Variants in AKAP13 observed in about 807,000 individuals in gnomAD.
The protein encoded by AKAP13 is A-kinase anchor protein 13.
In AKAP13, 80 loss-of-function variants were observed where a neutral mutation model predicts 264.5. The ratio of observed to expected loss-of-function variants is 0.30; its 90% confidence interval spans 0.25 to 0.36. AKAP13 has a LOEUF of 0.36. Ranked by LOEUF, AKAP13 falls within the 10% of genes least tolerant of loss-of-function variation. The pLI, the probability that AKAP13 is intolerant of heterozygous loss-of-function variation, is 1.00. For synonymous variants in AKAP13, 1,380 were observed against 1,250.2 expected, an observed-to-expected ratio of 1.10 and a Z score of -2.19; for missense variants, 3,712 against 3,435.2, an observed-to-expected ratio of 1.08 and a Z score of -2.01.
At chr15:85,572,064 A>C (rs1233662658) in intron 5 of AKAP13, among the ~76,000 whole-genome samples, 1 of 152,198 alleles carries the variant, frequency 6.6e-6, no homozygotes, top group Non-Finnish European at 1.5e-5. Context: ...AGATATTAGA[A>C]ATGGAACAGT....
rs1367415971 is a variant in AKAP13 at position 85,631,530 on chromosome 15, A to T, written c.4162-7844A>T. ...CACACACACACACACACACACACAC[A>T]CACACACACACACACACACACACTA... On this transcript the variant is annotated intron_variant, in intron 8 of 36. Transcript: ENST00000394518. 2.4e-4 allele frequency among the ~76,000 whole-genome samples: 36 copies of T among 149,096 alleles called. No homozygotes were observed. The South Asian group carries it at 2.5e-3, about 11-fold the overall frequency.
intron 1 of AKAP13, among the ~76,000 whole-genome samples, chr15:85,443,695 A>G (rs2150962692): frequency 6.6e-6 from 1 of 152,134 alleles, no homozygotes; most frequent in South Asian, 2.1e-4. Context: ...TTGACTGGAA[A>G]GTCATTTTGT....
In AKAP13 at chr15:85,580,044, A is replaced by C; in HGVS notation, c.1976A>C (p.Asp659Ala). 1 of 1,614,216 alleles carries C rather than the reference A, an allele frequency of 6.2e-7. No homozygotes were observed. The highest frequency in any genetic ancestry group is 8.5e-7 in the Non-Finnish European group (1 of 1,180,034). Residue 659 changes from aspartate (D) to alanine (A), a missense_variant, in exon 7 of 37, where the codon GAT (aspartate) becomes GCT (alanine). Asp to Ala is a moderately radical substitution (Grantham distance 126). Around this residue, in one of 3 missense-constraint regions of AKAP13, gnomAD observed 2,759 missense variants for 2,411.7 expected, o/e 1.14. Coordinates refer to ENST00000394518, the MANE Select transcript of AKAP13 (RefSeq NM_007200.5). The part of the protein sequence containing the change: ...SSPICSTTGD[D>A]KLCADSACQQ... ...CCCATTTGTTCTACAACTGGAGACGATAAACTTTGTGCAGACTCTGCATGT... is the reference window on the plus strand; with the variant it reads ...CCCATTTGTTCTACAACTGGAGACGCTAAACTTTGTGCAGACTCTGCATGT...
intron 9 of AKAP13, among the ~76,000 whole-genome samples, chr15:85,643,063 T>TA (rs1168239655): frequency 6.6e-6 from 1 of 151,718 alleles, no homozygotes; most frequent in Non-Finnish European, 1.5e-5. Flanking sequence ...TCCAGTCTGT[T>TA]AAAGGCAGGG....
At chr15:85,447,766 T>A (rs1320062299) in intron 1 of AKAP13, among the ~76,000 whole-genome samples, 1 of 152,234 alleles carries the variant, frequency 6.6e-6, no homozygotes, top group Admixed American at 6.5e-5. Flanking sequence ...TTATCCAGTC[T>A]GTCATTGATG....
In AKAP13 at chr15:85,735,537, A is replaced by C. The variant is rs75149819; in HGVS notation, c.7442-23A>C. On this transcript the variant is annotated intron_variant, in intron 31 of 36. Coordinates refer to ENST00000394518, the MANE Select transcript of AKAP13 (RefSeq NM_007200.5). ...ATCTGTTTCACAACTTTAAAAAAAA[A>C]AACAACCCTATTTTTTGTTTAGGAG... 6.8e-3 allele frequency: 10,836 copies of C among 1,588,896 alleles called. 648 individuals are homozygous for C. In the African/African-American group the frequency reaches 0.13, roughly 19 times the overall value.
At chr15:85,543,022 C>T (rs1198285029) in intron 4 of AKAP13, among the ~76,000 whole-genome samples, 1 of 152,194 alleles carries the variant, frequency 6.6e-6, no homozygotes, top group Admixed American at 6.5e-5. Context: ...TAACTACAAG[C>T]CCTTCCTCAT....
chr15:85,590,237 A>T (rs1424816698), intron 8 of AKAP13, among the ~76,000 whole-genome samples: 2 of 152,204 alleles, frequency 1.3e-5, no homozygotes, highest in Non-Finnish European at 2.9e-5. Context: ...TAGTATGGTA[A>T]ATTTATGGCA....
chr15:85,640,373 A>C (rs1214485646), intron 9 of AKAP13, among the ~76,000 whole-genome samples: 1 of 152,182 alleles, frequency 6.6e-6, no homozygotes, highest in African/African-American at 2.4e-5. Flanking sequence ...CTTCATTTGC[A>C]GGTCTTTTTA....
chr15:85,384,491 C>T (rs1355581022), intron 1 of AKAP13, among the ~76,000 whole-genome samples: 2 of 151,816 alleles, frequency 1.3e-5, no homozygotes, highest in Non-Finnish European at 2.9e-5. Context: ...CTGAGGCGGG[C>T]GGATCACTTG....
At chr15:85,529,490 T>C (rs2077182812) in intron 3 of AKAP13, among the ~76,000 whole-genome samples, 2 of 152,240 alleles carry the variant, frequency 1.3e-5, no homozygotes, top group Admixed American at 6.5e-5. Flanking sequence ...CTAATGACCC[T>C]GTTGCAAATA....
At position 85,708,604 on chromosome 15, in the gene AKAP13, G is replaced by T. The variant is rs2086449229; in HGVS notation, c.5532+518G>T. 6.6e-6 allele frequency among the ~76,000 whole-genome samples: 1 copy of T among 152,078 alleles called. No homozygotes were observed. The highest frequency in any genetic ancestry group is 2.4e-5 in the African/African-American group (1 of 41,390). ...AAGAATAGAAAGTGCCTGTTTTATG[G>T]TGGTATCTGCCCTGAGCATGTATGC... On this transcript the variant is annotated intron_variant, in intron 18 of 36. Coordinates refer to ENST00000394518, the MANE Select transcript of AKAP13 (RefSeq NM_007200.5). This position sits in a 1 kb window ranked among gnomAD's most constrained non-coding sequence, Gnocchi z 4.3.
At chr15:85,439,486 C>T (rs377219972) in intron 1 of AKAP13, among the ~76,000 whole-genome samples, 2 of 151,686 alleles carry the variant, frequency 1.3e-5, no homozygotes, top group African/African-American at 2.4e-5. Flanking sequence ...ACCCAAATGA[C>T]TATAAATCAT....
chr15:85,580,102 G>T lies in AKAP13; in HGVS notation c.2034G>T (p.Leu678Phe). The T allele has an allele frequency of 6.2e-7, 1 of 1,614,132 alleles. No homozygotes were observed. Among genetic ancestry groups the T allele is most frequent in the South Asian group, 1.1e-5 (1 of 91,082 alleles). The change falls in exon 7 of 37, where the codon TTG becomes TTT. Residue 678 changes from leucine to phenylalanine, a missense_variant. Around this residue, in one of 3 missense-constraint regions of AKAP13, gnomAD observed 2,759 missense variants for 2,411.7 expected, o/e 1.14. Transcript: ENST00000394518. ...ACACAGTGACTTCTAGTGGCGATTT[G>T]GTTGCAAAACTGTGTGATAACATAG... ...QQNTVTSSGD[L>F]VAKLCDNIVS...
chr15:85,620,500 T>G (rs1344508160), intron 8 of AKAP13, among the ~76,000 whole-genome samples: 3 of 152,180 alleles, frequency 2.0e-5, no homozygotes, highest in Non-Finnish European at 4.4e-5. Context: ...TCCTTCTGTC[T>G]CTGTCACCCC....
rs1205656766 is a variant in AKAP13, at chr15:85,639,412, T to A, written c.4200T>A (p.Pro1400=). 6.2e-7 allele frequency: 1 copy of A among 1,613,118 alleles called. No individual in the cohort carries two copies. The highest frequency in any genetic ancestry group is 8.5e-7 in the Non-Finnish European group (1 of 1,179,706). The change falls in exon 9 of 37, where the codon CCT becomes CCA. Residue 1400 remains proline, a synonymous_variant. Transcript: ENST00000394518. ...ACTGGTGTACAATAGAGCCATGCCC[T>A]GATGCAGCATCTCTTCTGGCTTCCA... ...RENWCTIEPC[P]DAASLLASKQ... is the part of the protein sequence containing the mutation.
chr15:85,544,382 T>G (rs1272117261), intron 5 of AKAP13, among the ~76,000 whole-genome samples: 5 of 152,218 alleles, frequency 3.3e-5, no homozygotes, highest in Non-Finnish European at 7.3e-5. Flanking sequence ...AACCAGTACT[T>G]CCATATTATA....
At chr15:85,660,204 T>G (rs1191051928) in intron 12 of AKAP13, among the ~76,000 whole-genome samples, 2 of 151,878 alleles carry the variant, frequency 1.3e-5, no homozygotes, top group Admixed American at 6.6e-5. Context: ...AACACAAAAA[T>G]TAGCTAGGTG....
chr15:85,619,417 T>TA lies in AKAP13; in HGVS notation c.4162-19956dup, dbSNP rs955264930. 37 of 985,136 alleles carry TA rather than the reference T, an allele frequency of 3.8e-5. No homozygotes were observed. In the African/African-American group the frequency reaches 6.1e-4, roughly 16 times the overall value. 61.0% of individuals were successfully genotyped at this position (985,136 alleles called of 1,614,324 possible). On this transcript the variant is annotated intron_variant, in intron 8 of 36. Coordinates refer to ENST00000394518, the MANE Select transcript of AKAP13 (RefSeq NM_007200.5). ...TTTTTCCCTTTTACTCTGCTGTCCT[T>TA]AGAGATTTTCAACTTAAATCAAAAC... is the stretch of plus-strand genomic sequence containing the variant.
Sources: gnomAD v4.1 joint callset for allele counts (sites outside exome capture counted in the v4.1 genomes callset) on GRCh38, gnomAD v4.1.1 for gene constraint, gnomAD v4.1.1 regional missense constraint, Gnocchi (gnomAD v3.1) non-coding constraint, MANE v1.5 for transcripts, NCBI Gene and HGNC (gene_info 2026-07-23, HGNC 2026-07-21) for gene names.